OXSR1: variants seen among roughly 807,000 people sequenced by gnomAD.
The protein encoded by OXSR1 is serine/threonine-protein kinase OSR1.
Under a neutral mutation model 79.8 loss-of-function variants are expected in OXSR1, and 24 were observed. The ratio of observed to expected loss-of-function variants is 0.30; its 90% CI spans 0.22 to 0.42. OXSR1 has a LOEUF of 0.42. Ranked by LOEUF, OXSR1 falls within the 10% of genes least tolerant of loss-of-function variation. The pLI is 1.00. For synonymous variants in OXSR1, 226 were observed against 209.2 expected, an observed-to-expected ratio of 1.08 and a Z score of -0.69; for missense variants, 430 against 618.4, an observed-to-expected ratio of 0.70 and a Z score of 3.23.
rs762792371 is a variant in OXSR1, at chr3:38,234,062, A to AGT, written c.952-2776_952-2775dup. 2.4e-4 allele frequency among the ~76,000 whole-genome samples: 36 copies of AGT among 152,366 alleles called. 1 individual carries two copies. Among genetic ancestry groups the AGT allele is most frequent in the Middle Eastern group, 3.4e-3 (1 of 294 alleles). ...TGAATATTCACATGCAGAAGAATGA[A>AGT]GTTGGGTCTTTTACTCTCGTCCTAC... is the stretch of plus-strand genomic sequence containing the variant. On this transcript the variant is annotated intron_variant, in intron 10 of 17. Transcript: ENST00000311806.
In OXSR1 at chr3:38,252,318, A is replaced by G. The variant is rs377650036; in HGVS notation, c.1445-10A>G. On this transcript the variant is annotated splice_polypyrimidine_tract_variant and intron_variant, in intron 16 of 17. Coordinates refer to ENST00000311806, the MANE Select transcript of OXSR1 (RefSeq NM_005109.3). ...CTCATTCATTACCTTCTCTGTTTGT[A>G]TGATTACAGTGGCAGCTAATTTGCA... 1.5e-4 allele frequency: 235 copies of G among 1,589,868 alleles called. No individual in the cohort carries two copies. Among genetic ancestry groups the G allele is most frequent in the Non-Finnish European group, 1.9e-4 (223 of 1,158,118 alleles).
chr3:38,242,219 G>A (rs1312816639), intron 11 of OXSR1, among the ~76,000 whole-genome samples: 7 of 151,942 alleles, frequency 4.6e-5, no homozygotes, highest in South Asian at 2.1e-4. Flanking sequence ...TGGACCACCC[G>A]TGTTTCTTTA....
intron 4 of OXSR1, among the ~76,000 whole-genome samples, chr3:38,206,242 GT>G (rs980658235): frequency 1.3e-5 from 2 of 152,096 alleles, no homozygotes; most frequent in African/African-American, 2.4e-5. Flanking sequence ...TGGGTCTAGA[GT>G]TTTTCAGTGG....
chr3:38,239,215 G>A (rs1312612365), intron 11 of OXSR1, among the ~76,000 whole-genome samples: 1 of 151,950 alleles, frequency 6.6e-6, no homozygotes, highest in Non-Finnish European at 1.5e-5. Context: ...TAACATCCAT[G>A]TCAATTCTGA....
chr3:38,251,824 C>G (rs1703262968), intron 16 of OXSR1, among the ~76,000 whole-genome samples: 1 of 152,140 alleles, frequency 6.6e-6, no homozygotes, highest in Non-Finnish European at 1.5e-5. Context: ...AGATTTAGTA[C>G]TAGAAAAGCA....
intron 11 of OXSR1, among the ~76,000 whole-genome samples, chr3:38,241,699 G>A (rs746076490): frequency 5.5e-4 from 84 of 151,726 alleles, no homozygotes; most frequent in Non-Finnish European, 1.0e-3. Context: ...GTATACTTAC[G>A]TTCTTGTATT....
At chr3:38,174,496 C>T (rs1291023464) in intron 1 of OXSR1, among the ~76,000 whole-genome samples, 2 of 152,208 alleles carry the variant, frequency 1.3e-5, no homozygotes, top group Non-Finnish European at 2.9e-5. Context: ...GCATGAGAAT[C>T]GCTTGAACCC....
intron 4 of OXSR1, among the ~76,000 whole-genome samples, chr3:38,207,067 A>G (rs1002197590): frequency 6.6e-6 from 1 of 152,236 alleles, no homozygotes; most frequent in Non-Finnish European, 1.5e-5. Flanking sequence ...GAGGCTGACA[A>G]ACCTTTTCTG....
At chr3:38,181,794 C>T (rs1254061738) in intron 1 of OXSR1, among the ~76,000 whole-genome samples, 4 of 151,406 alleles carry the variant, frequency 2.6e-5, no homozygotes, top group African/African-American at 4.9e-5. Flanking sequence ...TTCTCATTCA[C>T]GTGTGCTTTT....
chr3:38,248,686 A>G (rs1222268286), intron 14 of OXSR1, among the ~76,000 whole-genome samples: 1 of 152,140 alleles, frequency 6.6e-6, no homozygotes, highest in Non-Finnish European at 1.5e-5. Context: ...CAATGCATTT[A>G]TGCCATAAAT....
At chr3:38,230,254 TC>T (rs1702777253) in intron 9 of OXSR1, 110 bp from the exon 10 acceptor site, 1 of 720,498 alleles carries the variant, frequency 1.4e-6, no homozygotes, top group East Asian at 2.5e-5. Flanking sequence ...TTCTCACACT[TC>T]ATTACAGAAC....
At position 38,230,355 on chromosome 3, in the gene OXSR1, TC is replaced by T. The variant is rs1244649176; in HGVS notation, c.886-8del. ...CTTGTAAGAACAAAATACTTACTTT[TC>T]CTCTCCAGAATAAAGAATTTCTTCA... On this transcript the variant is annotated splice_polypyrimidine_tract_variant and intron_variant, in intron 9 of 17. Transcript: ENST00000311806. The T allele has an allele frequency of 4.5e-6, 7 of 1,563,310 alleles. No individual in the cohort carries two copies. Among genetic ancestry groups the T allele is most frequent in the Non-Finnish European group, 6.1e-6 (7 of 1,141,538 alleles).
chr3:38,197,885 T>A (rs1158313458), intron 3 of OXSR1, among the ~76,000 whole-genome samples: 1 of 152,218 alleles, frequency 6.6e-6, no homozygotes, highest in Non-Finnish European at 1.5e-5. Flanking sequence ...TATTGAATCT[T>A]TTCTTTGCAG....
chr3:38,214,492 T>C (rs2125830894), intron 4 of OXSR1, among the ~76,000 whole-genome samples: 1 of 152,294 alleles, frequency 6.6e-6, no homozygotes, highest in South Asian at 2.1e-4. Flanking sequence ...GACTAAACTA[T>C]ACTTTTCTTC....
intron 1 of OXSR1, among the ~76,000 whole-genome samples, chr3:38,177,433 C>T (rs902427044): frequency 6.6e-6 from 1 of 152,184 alleles, no homozygotes; most frequent in African/African-American, 2.4e-5. Context: ...CAAACTATTT[C>T]AATAGTAGCC....
chr3:38,198,425 G>T (rs1252152975), intron 3 of OXSR1, among the ~76,000 whole-genome samples: 2 of 152,100 alleles, frequency 1.3e-5, no homozygotes, highest in Non-Finnish European at 2.9e-5. Context: ...TGACGAGCCT[G>T]GTTTACCTAG....
At chr3:38,210,046 AGGTT>A (rs1702353912) in intron 4 of OXSR1, among the ~76,000 whole-genome samples, 1 of 150,204 alleles carries the variant, frequency 6.7e-6, no homozygotes, top group African/African-American at 2.4e-5. Context: ...ACAGGATTCT[AGGTT>A]GGTTTTTTTT....
chr3:38,246,517 G>C (rs1465267097), intron 13 of OXSR1, among the ~76,000 whole-genome samples: 2 of 152,182 alleles, frequency 1.3e-5, no homozygotes, highest in African/African-American at 2.4e-5. Context: ...TCAGAATGCA[G>C]CTCATGAAGT....
At chr3:38,252,610 T>G (rs1703280860) in intron 17 of OXSR1, among the ~76,000 whole-genome samples, 2 of 152,170 alleles carry the variant, frequency 1.3e-5, no homozygotes, top group Non-Finnish European at 1.5e-5. Flanking sequence ...CCTTGGCTAT[T>G]CATAAGAGAA....
Sources: allele counts gnomAD v4.1 joint callset (sites outside exome capture counted in the v4.1 genomes callset), GRCh38; gene constraint gnomAD v4.1.1; transcripts MANE v1.5; gene names NCBI Gene and HGNC (gene_info 2026-07-23, HGNC 2026-07-21).